The following FMN1 variants were observed in gnomAD, a reference collection of about 807,000 sequenced individuals.
The protein encoded by FMN1 is formin 1.
In FMN1, 110 loss-of-function variants were observed where a neutral mutation model predicts 132.4. The ratio of observed to expected loss-of-function variants is 0.83; its 90% CI spans 0.71 to 0.97. FMN1 has a LOEUF of 0.97. Among genes scored for constraint, FMN1 ranks in the 50% least tolerant of loss-of-function variants. The pLI, the probability that FMN1 is intolerant of heterozygous loss-of-function variation, is 0.00. For synonymous variants in FMN1, 722 were observed against 651.7 expected, an observed-to-expected ratio of 1.11 and a Z score of -1.64; for missense variants, 1,792 against 1,705.3, an observed-to-expected ratio of 1.05 and a Z score of -0.90.
chr15:33,085,051 G>A (rs2038634958), intron 5 of FMN1, among the ~76,000 whole-genome samples: 1 of 152,170 alleles, frequency 6.6e-6, no homozygotes. Context: ...CCCACCAGAG[G>A]AAAGGGGTTT....
intron 4 of FMN1, among the ~76,000 whole-genome samples, chr15:33,128,835 T>C (rs2085182): frequency 0.88 from 134,160 of 151,808 alleles, 59,347 homozygotes; most frequent in East Asian, 0.97. Flanking sequence ...GCCTCCGCAA[T>C]GCGGAAGACA....
intron 6 of FMN1, among the ~76,000 whole-genome samples, chr15:33,058,810 C>T (rs534804855): frequency 1.5e-4 from 23 of 152,184 alleles, no homozygotes; most frequent in African/African-American, 2.6e-4. Flanking sequence ...GTAGATGATG[C>T]GGTGTTTTGA....
intron 17 of FMN1, among the ~76,000 whole-genome samples, chr15:32,821,506 G>A (rs1341784220): frequency 1.3e-5 from 2 of 148,888 alleles, no homozygotes; most frequent in Admixed American, 1.3e-4. Context: ...AGGCTGGAGG[G>A]CAGTGGCACA....
intron 17 of FMN1, among the ~76,000 whole-genome samples, chr15:32,816,145 A>G (rs922387484): frequency 2.0e-5 from 3 of 152,208 alleles, no homozygotes; most frequent in African/African-American, 7.2e-5. Flanking sequence ...GGTTCCTGTG[A>G]AACTTCTCTG....
At chr15:33,021,374 G>C (rs912665239) in intron 6 of FMN1, among the ~76,000 whole-genome samples, 2 of 152,140 alleles carry the variant, frequency 1.3e-5, no homozygotes, top group Admixed American at 6.5e-5. Flanking sequence ...TAACAATTTA[G>C]AGACTCATAG....
chr15:32,793,577 G>A (rs889858329), intron 19 of FMN1, among the ~76,000 whole-genome samples: 6 of 152,282 alleles, frequency 3.9e-5, no homozygotes, highest in African/African-American at 9.6e-5. Context: ...CACTACGCCC[G>A]GCTGTTCTTT....
chr15:32,930,720 T>TG (rs370256753), intron 9 of FMN1, among the ~76,000 whole-genome samples: 1,584 of 149,748 alleles, frequency 0.011, 20 homozygotes, highest in African/African-American at 0.023. Flanking sequence ...TTGCTTTTTT[T>TG]GGGGGGGGGC....
At chr15:33,116,002 G>T (rs78371013) in intron 4 of FMN1, among the ~76,000 whole-genome samples, 2 of 152,112 alleles carry the variant, frequency 1.3e-5, no homozygotes, top group Non-Finnish European at 1.5e-5. Flanking sequence ...CTGAATTAAA[G>T]AATTTTCTTA....
intron 3 of FMN1, among the ~76,000 whole-genome samples, chr15:33,178,385 C>T (rs1290089797): frequency 6.6e-6 from 1 of 152,178 alleles, no homozygotes; most frequent in Non-Finnish European, 1.5e-5. Context: ...CAACTTGAGA[C>T]TGTCTTGGGC....
chr15:32,883,611 C>T (rs1381207307), intron 16 of FMN1, among the ~76,000 whole-genome samples: 1 of 149,134 alleles, frequency 6.7e-6, no homozygotes, highest in Non-Finnish European at 1.5e-5. Flanking sequence ...CCCTCCCCTA[C>T]GTTACTAGAG....
At chr15:32,782,202 C>G (rs2056687685) in intron 19 of FMN1, among the ~76,000 whole-genome samples, 1 of 152,194 alleles carries the variant, frequency 6.6e-6, no homozygotes, top group Non-Finnish European at 1.5e-5. Context: ...GGACAACGAG[C>G]AGGATTTATC....
chr15:33,067,219 A>T, intron 5 of FMN1: 1 of 1,613,366 alleles, frequency 6.2e-7, no homozygotes. Flanking sequence ...TCTGAAGACC[A>T]CCGTTGCCAG....
chr15:32,900,984 T>C (rs2060280254), intron 13 of FMN1, among the ~76,000 whole-genome samples: 1 of 152,038 alleles, frequency 6.6e-6, no homozygotes, highest in Non-Finnish European at 1.5e-5. Flanking sequence ...TAAAACCCCA[T>C]CTCTACTAAA....
chr15:33,094,796 T>G (rs1031642272), intron 4 of FMN1, among the ~76,000 whole-genome samples: 2 of 152,208 alleles, frequency 1.3e-5, no homozygotes, highest in African/African-American at 4.8e-5. Context: ...TTACTCAGAC[T>G]AGGAAACTTA....
chr15:32,833,980 C>A (rs149606587), intron 17 of FMN1, among the ~76,000 whole-genome samples: 1 of 152,162 alleles, frequency 6.6e-6, no homozygotes, highest in African/African-American at 2.4e-5. Flanking sequence ...TGAGAACCAT[C>A]GCCCTTTGTC....
chr15:33,148,352 G>A (rs1266098946), intron 4 of FMN1, among the ~76,000 whole-genome samples: 1 of 152,144 alleles, frequency 6.6e-6, no homozygotes, highest in Non-Finnish European at 1.5e-5. Context: ...AGAAGCAACA[G>A]TATTTTCCTG....
intron 9 of FMN1, among the ~76,000 whole-genome samples, chr15:32,930,178 G>A (rs1166560117): frequency 6.6e-6 from 1 of 151,494 alleles, no homozygotes; most frequent in African/African-American, 2.4e-5. Flanking sequence ...TTTAGTAGAC[G>A]GGGTTTCACC....
chr15:32,851,166 CA>C (rs1237167251), intron 17 of FMN1, among the ~76,000 whole-genome samples: 1 of 152,190 alleles, frequency 6.6e-6, no homozygotes, highest in African/African-American at 2.4e-5. Flanking sequence ...ATGGTTCATG[CA>C]GAATCATTCA....
chr15:32,933,232 C>G (rs2061167232), intron 9 of FMN1, among the ~76,000 whole-genome samples: 1 of 152,136 alleles, frequency 6.6e-6, no homozygotes, highest in Non-Finnish European at 1.5e-5. Flanking sequence ...TCTTCTTTGA[C>G]CCACTGGTTG....
Sources: allele counts gnomAD v4.1 joint callset (sites outside exome capture counted in the v4.1 genomes callset), GRCh38; gene constraint gnomAD v4.1.1; transcripts MANE v1.5; gene names NCBI Gene and HGNC (gene_info 2026-07-23, HGNC 2026-07-21).